Variants in C10orf90 observed in about 807,000 individuals in gnomAD.
The protein encoded by C10orf90 is chromosome 10 open reading frame 90, also known as (E2-independent) E3 ubiquitin-conjugating enzyme FATS.
Under a neutral mutation model 62.5 loss-of-function variants are expected in C10orf90, and 56 were observed. That is an observed-to-expected ratio of 0.90 (90% confidence interval 0.72 to 1.12). The LOEUF (loss-of-function observed/expected upper bound fraction) is 1.12. Among genes scored for constraint, C10orf90 ranks in the 50% most tolerant of loss-of-function variants. C10orf90 has a pLI of 0.00. For missense variants in C10orf90, 970 were observed against 880.4 expected, an observed-to-expected ratio of 1.10 and a Z score of -1.29; for synonymous variants, 386 against 340.4, an observed-to-expected ratio of 1.13 and a Z score of -1.47.
chr10:126,636,103 A>T (rs1273427655), intron 2 of C10orf90, among the ~76,000 whole-genome samples: 5 of 152,162 alleles, frequency 3.3e-5, no homozygotes, highest in Non-Finnish European at 7.3e-5. Context: ...AAGAACAATG[A>T]CACCTTTGAA....
intron 2 of C10orf90, among the ~76,000 whole-genome samples, chr10:126,536,109 T>C (rs1864228408): frequency 2.0e-5 from 3 of 152,178 alleles, no homozygotes. Context: ...GTGGCCACGG[T>C]GCACTGCATG....
chr10:126,535,941 G>C (rs369889012), intron 2 of C10orf90, among the ~76,000 whole-genome samples: 2 of 152,180 alleles, frequency 1.3e-5, no homozygotes, highest in Non-Finnish European at 2.9e-5. Flanking sequence ...AGAGTCCATC[G>C]TTACGGGGCA....
intron 4 of C10orf90, among the ~76,000 whole-genome samples, chr10:126,503,279 G>T (rs73373040): frequency 6.6e-6 from 1 of 152,032 alleles, no homozygotes; most frequent in Admixed American, 6.6e-5. Flanking sequence ...AATTCTTCCC[G>T]GCCCTGGAAA....
intron 2 of C10orf90, among the ~76,000 whole-genome samples, chr10:126,587,859 T>C (rs1381612957): frequency 6.6e-6 from 1 of 152,238 alleles, no homozygotes; most frequent in Non-Finnish European, 1.5e-5. Context: ...TAGAACCCAG[T>C]ATAACTAGGC....
intron 4 of C10orf90, among the ~76,000 whole-genome samples, chr10:126,478,385 C>T (rs1861004292): frequency 6.6e-6 from 1 of 152,202 alleles, no homozygotes; most frequent in African/African-American, 2.4e-5. Context: ...GAAAATGCGA[C>T]AAGAACAATG....
intron 3 of C10orf90, among the ~76,000 whole-genome samples, chr10:126,511,502 T>C (rs997848145): frequency 1.3e-5 from 2 of 152,084 alleles, no homozygotes; most frequent in African/African-American, 2.4e-5. Context: ...TGAAACTCTA[T>C]ACCCAGTAAA....
chr10:126,670,007 CAT>C (rs1273484877), intron 1 of C10orf90, among the ~76,000 whole-genome samples: 2 of 152,192 alleles, frequency 1.3e-5, no homozygotes, highest in Non-Finnish European at 1.5e-5. Flanking sequence ...TAAATGCAGA[CAT>C]GTGTCATCGT....
At chr10:126,459,881 A>G (rs1387181676) in intron 6 of C10orf90, among the ~76,000 whole-genome samples, 10 of 152,228 alleles carry the variant, frequency 6.6e-5, no homozygotes, top group South Asian at 2.1e-4. Flanking sequence ...ACTAACTGCC[A>G]TTCTGCTCCA....
intron 2 of C10orf90, among the ~76,000 whole-genome samples, chr10:126,540,285 A>C (rs563339949): frequency 6.6e-6 from 1 of 152,346 alleles, no homozygotes; most frequent in East Asian, 1.9e-4. Flanking sequence ...ATACCTGCCC[A>C]AGTTAATTTA....
chr10:126,638,654 G>A (rs1226014755), intron 2 of C10orf90, among the ~76,000 whole-genome samples: 1 of 152,090 alleles, frequency 6.6e-6, no homozygotes, highest in African/African-American at 2.4e-5. Flanking sequence ...GCCTTGGATG[G>A]CCTATCATAT....
At position 126,502,773 on chromosome 10, in the gene C10orf90, C is replaced by G. The variant is rs143241474; in HGVS notation, c.1534+1184G>C. 634 of 519,132 alleles carry G rather than the reference C, an allele frequency of 1.2e-3. 1 individual carries two copies. The highest frequency in any genetic ancestry group is 1.9e-3 in the Non-Finnish European group (485 of 254,884). The allele number at this position is 519,132 out of a possible 1,614,324, so 32.2% of individuals were successfully genotyped here. ...TTAGCTTGAGCAATCTCTTTAACCACTAAAGTGGGATTTATCTTTGGAACA... is the reference window on the plus strand; with the variant it reads ...TTAGCTTGAGCAATCTCTTTAACCAGTAAAGTGGGATTTATCTTTGGAACA... On this transcript the variant is annotated intron_variant, in intron 4 of 9. Coordinates refer to ENST00000488181, the MANE Select transcript of C10orf90 (RefSeq NM_001350921.2).
chr10:126,489,852 C>T (rs533634283), intron 4 of C10orf90, among the ~76,000 whole-genome samples: 5 of 149,300 alleles, frequency 3.3e-5, no homozygotes, highest in South Asian at 2.1e-4. Flanking sequence ...AACAGATGAA[C>T]GGGTAAACAA....
chr10:126,459,348 C>A lies in C10orf90; in HGVS notation c.2011-131G>T, dbSNP rs75501140. The A allele has an allele frequency of 9.4e-5, 91 of 969,170 alleles. No homozygotes were observed. In the African/African-American group the frequency reaches 1.3e-3, roughly 14 times the overall value. The allele number at this position is 969,170 out of a possible 1,614,324, so 60.0% of individuals were successfully genotyped here. A position where few individuals can be genotyped will look rare whatever the true frequency, so the allele number is the denominator to read the frequency against. On this transcript the variant is annotated intron_variant, in intron 6 of 9. Coordinates refer to ENST00000488181, the MANE Select transcript of C10orf90 (RefSeq NM_001350921.2). ...GACCAAAAGCCACGGTGCAAAAGTACGTCACGCTTTTCTTGCACATCTTTG... is the reference window on the plus strand; with the variant it reads ...GACCAAAAGCCACGGTGCAAAAGTAAGTCACGCTTTTCTTGCACATCTTTG...
intron 2 of C10orf90, among the ~76,000 whole-genome samples, chr10:126,549,261 G>A (rs1864573297): frequency 6.6e-6 from 1 of 152,222 alleles, no homozygotes; most frequent in East Asian, 1.9e-4. Flanking sequence ...AAGCCACATA[G>A]CTGACAAAGG....
At chr10:126,663,914 T>C (rs1205880481) in intron 1 of C10orf90, among the ~76,000 whole-genome samples, 1 of 152,112 alleles carries the variant, frequency 6.6e-6, no homozygotes, top group African/African-American at 2.4e-5. Context: ...CATAAGATGG[T>C]AAAACCCCAT....
intron 2 of C10orf90, chr10:126,521,310 A>T: frequency 1.2e-6 from 2 of 1,614,158 alleles, no homozygotes; most frequent in East Asian, 4.5e-5. Context: ...TTCTCCAGAC[A>T]GTTTGAGCAT....
chr10:126,540,282 C>T, intron 2 of C10orf90, among the ~76,000 whole-genome samples: 1 of 152,102 alleles, frequency 6.6e-6, no homozygotes, highest in East Asian at 1.9e-4. Flanking sequence ...GTCATACCTG[C>T]CCAAGTTAAT....
chr10:126,521,994 C>T (rs1013275450), intron 2 of C10orf90, among the ~76,000 whole-genome samples: 4 of 152,170 alleles, frequency 2.6e-5, no homozygotes, highest in East Asian at 1.9e-4. Context: ...GGCAGCCTGG[C>T]GTGGTGGCTC....
At chr10:126,475,993 C>A (rs1226733733) in intron 4 of C10orf90, among the ~76,000 whole-genome samples, 1 of 152,138 alleles carries the variant, frequency 6.6e-6, no homozygotes, top group African/African-American at 2.4e-5. Flanking sequence ...AGGCTTACCT[C>A]GCACAAAATA....
Sources: allele counts gnomAD v4.1 joint callset (sites outside exome capture counted in the v4.1 genomes callset), GRCh38; gene constraint gnomAD v4.1.1; transcripts MANE v1.5; gene names NCBI Gene and HGNC (gene_info 2026-07-23, HGNC 2026-07-21).